The following SH3RF3 variants were observed in gnomAD, a reference collection of about 807,000 sequenced individuals.
SH3RF3 encodes E3 ubiquitin-protein ligase SH3RF3.
In SH3RF3, 29 loss-of-function variants were observed where a neutral mutation model predicts 66.3. That is an observed-to-expected ratio of 0.44 (90% CI 0.33 to 0.60). The LOEUF (loss-of-function observed/expected upper bound fraction) is 0.60, where lower values mean the gene tolerates loss of function less well. Among genes scored for constraint, SH3RF3 ranks in the 20% least tolerant of loss-of-function variants. SH3RF3 has a pLI of 0.04. For missense variants in SH3RF3, 1,194 were observed against 1,190.9 expected (o/e 1.00, Z -0.04); for synonymous variants, 583 against 532.0 (o/e 1.10, Z -1.32).
Position 109,473,213 on chromosome 2 carries a change from G to A in SH3RF3, c.2149-17392G>A, listed in dbSNP as rs77591649. 3.1e-3 allele frequency among the ~76,000 whole-genome samples: 479 copies of A among 152,318 alleles called. 6 individuals are homozygous for A. The highest frequency in any genetic ancestry group is 0.022 in the Admixed American group (344 of 15,304). ...CGGCTTCCTGCCTAGACATACGAGC[G>A]CCTCACACAGGCCTGGGCTGGCCCC... On this transcript the variant is annotated intron_variant, in intron 8 of 9. Coordinates refer to ENST00000309415, the MANE Select transcript of SH3RF3 (RefSeq NM_001099289.3).
At chr2:109,217,167 C>T (rs577657650) in intron 1 of SH3RF3, among the ~76,000 whole-genome samples, 1 of 152,320 alleles carries the variant, frequency 6.6e-6, no homozygotes, top group Admixed American at 6.5e-5. Context: ...CTTGTTTATT[C>T]ATTCGTCTGC....
chr2:109,242,491 AGGCACTGATTGGCCACT>A (rs1345548329), intron 1 of SH3RF3, among the ~76,000 whole-genome samples: 11 of 152,178 alleles, frequency 7.2e-5, no homozygotes, highest in African/African-American at 2.4e-4. Context: ...CCAGTGACAC[AGGCACTGATTGGCCACT>A]GGAGAAGCGG....
At position 109,285,344 on chromosome 2, in the gene SH3RF3, A is replaced by G. The variant is rs372588632; in HGVS notation, c.574-62330A>G. 5.3e-5 allele frequency among the ~76,000 whole-genome samples: 8 copies of G among 152,346 alleles called. No homozygotes were observed. In the East Asian group the frequency reaches 1.5e-3, roughly 29 times the overall value. ...CAGGTGTTCATGGTGGGGTTAAGCC[A>G]GCTTGTGAGTCATTAGCATGCCTTT... is the stretch of plus-strand genomic sequence containing the variant. On this transcript the variant is annotated intron_variant, in intron 1 of 9. Transcript: ENST00000309415.
chr2:109,428,036 C>G (rs1677084234), intron 5 of SH3RF3, among the ~76,000 whole-genome samples: 1 of 152,248 alleles, frequency 6.6e-6, no homozygotes, highest in South Asian at 2.1e-4. Context: ...CTCCCCAGCC[C>G]CCTGGCCTCC....
At chr2:109,395,849 C>T (rs1676129703) in intron 3 of SH3RF3, among the ~76,000 whole-genome samples, 1 of 152,210 alleles carries the variant, frequency 6.6e-6, no homozygotes, top group Admixed American at 6.5e-5. Context: ...GACTTGCATA[C>T]AACAACCTGT....
At chr2:109,135,278 T>C (rs892657656) in intron 1 of SH3RF3, among the ~76,000 whole-genome samples, 11 of 152,176 alleles carry the variant, frequency 7.2e-5, no homozygotes, top group African/African-American at 2.7e-4. Context: ...GGACTGCCTT[T>C]TCTCCTGAGG....
intron 3 of SH3RF3, among the ~76,000 whole-genome samples, chr2:109,380,786 C>T (rs1300637131): frequency 6.6e-6 from 1 of 152,160 alleles, no homozygotes; most frequent in Non-Finnish European, 1.5e-5. Flanking sequence ...CACCAGGTGC[C>T]CCCCACCACC....
chr2:109,339,206 T>G (rs116205725), intron 1 of SH3RF3, among the ~76,000 whole-genome samples: 1 of 151,548 alleles, frequency 6.6e-6, no homozygotes, highest in African/African-American at 2.4e-5. Context: ...GGTATAACTT[T>G]TATTGAAAAA....
At chr2:109,149,851 C>T (rs11675280) in intron 1 of SH3RF3, among the ~76,000 whole-genome samples, 106,670 of 152,198 alleles carry the variant, frequency 0.7, 38,431 homozygotes, top group African/African-American at 0.77. Flanking sequence ...GATTAAAATA[C>T]CAGGGGGTTC....
At chr2:109,198,303 A>G (rs1439400075) in intron 1 of SH3RF3, among the ~76,000 whole-genome samples, 1 of 152,198 alleles carries the variant, frequency 6.6e-6, no homozygotes, top group Non-Finnish European at 1.5e-5. Flanking sequence ...ACAGGAATTT[A>G]TGACCCTGAG....
intron 1 of SH3RF3, among the ~76,000 whole-genome samples, chr2:109,292,274 A>C (rs1208218986): frequency 6.6e-6 from 1 of 152,242 alleles, no homozygotes; most frequent in African/African-American, 2.4e-5. Context: ...TAGGAAATAA[A>C]AGTTGCCCTT....
chr2:109,336,896 G>A (rs1682435343), intron 1 of SH3RF3, among the ~76,000 whole-genome samples: 2 of 152,142 alleles, frequency 1.3e-5, no homozygotes, highest in Admixed American at 1.3e-4. Flanking sequence ...AGTTCCTCCT[G>A]TCCCAGAGCA....
intron 1 of SH3RF3, among the ~76,000 whole-genome samples, chr2:109,163,647 C>T (rs1036148367): frequency 1.3e-5 from 2 of 152,006 alleles, no homozygotes; most frequent in Non-Finnish European, 2.9e-5. Context: ...GATCCGCCCG[C>T]CTCGGCCTCC....
chr2:109,359,719 T>TG (rs1184090207), intron 2 of SH3RF3, among the ~76,000 whole-genome samples: 1 of 152,144 alleles, frequency 6.6e-6, no homozygotes, highest in African/African-American at 2.4e-5. Flanking sequence ...CCTGACCTTA[T>TG]GTAATGGGTT....
At chr2:109,490,558 T>C (rs1191870236) in intron 8 of SH3RF3, 47 bp from the exon 9 acceptor site, 1 of 1,358,516 alleles carries the variant, frequency 7.4e-7, no homozygotes, top group Middle Eastern at 1.9e-4. Flanking sequence ...AGCAAGGGCA[T>C]TGGGAAGCAT....
rs909583736 is a variant in SH3RF3 at position 109,309,474 on chromosome 2, A to G, written c.574-38200A>G. On this transcript the variant is annotated intron_variant, in intron 1 of 9. Coordinates refer to ENST00000309415, the MANE Select transcript of SH3RF3 (RefSeq NM_001099289.3). ...AGCAAAATCACTAGCTAACATCATAATGACAGGATCAAATTCACACATAAC... is the reference window on the plus strand; with the variant it reads ...AGCAAAATCACTAGCTAACATCATAGTGACAGGATCAAATTCACACATAAC... 2.5e-4 allele frequency among the ~76,000 whole-genome samples: 33 copies of G among 129,522 alleles called. 8 individuals carry two copies. Among genetic ancestry groups the G allele is most frequent in the Middle Eastern group, 3.8e-3 (1 of 264 alleles). The allele number at this position is 129,522 out of a possible 152,430, so 85.0% of individuals were successfully genotyped here.
At chr2:109,146,792 C>T (rs1677108676) in intron 1 of SH3RF3, among the ~76,000 whole-genome samples, 2 of 5,946 alleles carry the variant, frequency 3.4e-4, no homozygotes, top group African/African-American at 1.7e-3. Flanking sequence ...TCTTTAGTGC[C>T]CCCCCCATTC....
chr2:109,403,080 T>G (rs1294530456), intron 4 of SH3RF3, among the ~76,000 whole-genome samples: 1 of 152,214 alleles, frequency 6.6e-6, no homozygotes, highest in African/African-American at 2.4e-5. Flanking sequence ...GGTTTTGCTC[T>G]TTCTTTGGTG....
chr2:109,362,410 A>G (rs905198971), intron 2 of SH3RF3, among the ~76,000 whole-genome samples: 8 of 152,172 alleles, frequency 5.3e-5, no homozygotes, highest in African/African-American at 7.2e-5. Context: ...ATTTAATGCT[A>G]TTGTGGCCTG....
Sources: allele counts gnomAD v4.1 joint callset (sites outside exome capture counted in the v4.1 genomes callset), GRCh38; gene constraint gnomAD v4.1.1; transcripts MANE v1.5; gene names NCBI Gene and HGNC (gene_info 2026-07-23, HGNC 2026-07-21).